The following RABGEF1 variants were observed in gnomAD, a reference collection of about 807,000 sequenced individuals.
The protein encoded by RABGEF1 is RAB guanine nucleotide exchange factor 1, also known as rab5 GDP/GTP exchange factor.
In RABGEF1, 26 loss-of-function variants were observed where a neutral mutation model predicts 57.3. The ratio of observed to expected loss-of-function variants is 0.45; its 90% CI spans 0.33 to 0.63. The LOEUF (loss-of-function observed/expected upper bound fraction) is 0.63. RABGEF1 is among the 20% of genes least tolerant of loss of function. RABGEF1 has a pLI of 0.02. For synonymous variants in RABGEF1, 185 were observed against 210.7 expected (o/e 0.88, Z 1.06); for missense variants, 464 against 607.6 (o/e 0.76, Z 2.48).
At chr7:66,799,296 T>G (rs1786748639) in intron 6 of RABGEF1, 27 bp from the exon 7 acceptor site, 1 of 1,545,088 alleles carries the variant, frequency 6.5e-7, no homozygotes, top group Non-Finnish European at 8.9e-7. Context: ...TCCTTGGAGC[T>G]CTTGTTTACT....
intron 1 of RABGEF1, among the ~76,000 whole-genome samples, chr7:66,742,366 G>T (rs1799187787): frequency 6.6e-6 from 1 of 152,186 alleles, no homozygotes; most frequent in Non-Finnish European, 1.5e-5. Context: ...AAGTTAGCCA[G>T]TTGAGGAGAA....
At chr7:66,680,424 A>T (rs556985520), upstream of RABGEF1, among the ~76,000 whole-genome samples, 2 of 151,966 alleles carry the variant, frequency 1.3e-5, no homozygotes, top group South Asian at 4.1e-4. Flanking sequence ...TTGTATTTTT[A>T]GTAGAGACAG....
At chr7:66,720,178 T>TC (rs35631461) in intron 2 of RABGEF1, among the ~76,000 whole-genome samples, 5,307 of 117,638 alleles carry the variant, frequency 0.045, 154 homozygotes, top group East Asian at 0.11. Context: ...TCATTATTAT[T>TC]ATTATTATTA....
the RABGEF1 span, among the ~76,000 whole-genome samples, chr7:66,662,956 G>A: frequency 1.3e-5 from 2 of 152,244 alleles, no homozygotes; most frequent in Admixed American, 6.5e-5. Flanking sequence ...GTGCAGGCAT[G>A]TGTGTGCAGG....
chr7:66,798,325 C>T (rs900276745), intron 6 of RABGEF1, among the ~76,000 whole-genome samples: 1 of 152,154 alleles, frequency 6.6e-6, no homozygotes, highest in African/African-American at 2.4e-5. Context: ...AGTGTGGGAA[C>T]AGGGCCAAGG....
chr7:66,711,833 G>A (rs1223023135), intron 1 of RABGEF1, among the ~76,000 whole-genome samples: 6 of 151,992 alleles, frequency 3.9e-5, no homozygotes, highest in East Asian at 1.9e-4. Context: ...TGATCTGCCC[G>A]CCTCGGCCTC....
intron 1 of RABGEF1, among the ~76,000 whole-genome samples, chr7:66,749,922 C>T (rs1427694783): frequency 3.9e-5 from 6 of 152,068 alleles, no homozygotes; most frequent in South Asian, 2.1e-4. Flanking sequence ...TGCAGTGAGC[C>T]GAGATCGCAC....
intron 4 of RABGEF1, among the ~76,000 whole-genome samples, chr7:66,788,314 G>T (rs1049490542): frequency 2.6e-5 from 4 of 151,848 alleles, no homozygotes; most frequent in Non-Finnish European, 5.9e-5. Flanking sequence ...GCATGGTGGC[G>T]CTCGCCTGTA....
intron 7 of RABGEF1, among the ~76,000 whole-genome samples, chr7:66,801,163 C>CT: frequency 6.6e-6 from 1 of 152,334 alleles, no homozygotes; most frequent in South Asian, 2.1e-4. Flanking sequence ...ATCAGCTCCT[C>CT]TTAGCTCCAA....
chr7:66,704,544 C>G (rs899616672), intron 1 of RABGEF1, among the ~76,000 whole-genome samples: 1 of 152,044 alleles, frequency 6.6e-6, no homozygotes, highest in African/African-American at 2.4e-5. Context: ...GGTGCGGTGG[C>G]TCACACCTGT....
At chr7:66,782,167 G>A (rs1367166082) in intron 3 of RABGEF1, among the ~76,000 whole-genome samples, 1 of 152,170 alleles carries the variant, frequency 6.6e-6, no homozygotes, top group African/African-American at 2.4e-5. Flanking sequence ...AAATATTTTA[G>A]AAAAGATGTT....
rs759241672 is a variant in RABGEF1 at position 66,809,022 on chromosome 7, T to C, written c.1214T>C (p.Leu405Ser). ...GAGAGTTGGTCTCCTGATGCTTGCTTAGGCGTCAAGCAAATGTATAAGAAC... is the reference window on the plus strand; with the variant it reads ...GAGAGTTGGTCTCCTGATGCTTGCTCAGGCGTCAAGCAAATGTATAAGAAC... ...EAESWSPDACLGVKQMYKNLD... is the reference protein window; with the variant it reads ...EAESWSPDACSGVKQMYKNLD... Residue 405 changes from leucine to serine, a missense_variant, in exon 9 of 9, where the codon TTA (leucine) becomes TCA (serine). This residue lies in a region of RABGEF1 where 151 missense variants were observed against 152.2 expected (regional missense o/e 0.99). Coordinates refer to ENST00000284957, the MANE Select transcript of RABGEF1 (RefSeq NM_014504.3). 6 of 1,614,134 alleles carry C rather than the reference T, an allele frequency of 3.7e-6. No homozygotes were observed. The highest frequency in any genetic ancestry group is 5.1e-6 in the Non-Finnish European group (6 of 1,180,026).
chr7:66,769,289 C>G (rs1228958081), intron 1 of RABGEF1, among the ~76,000 whole-genome samples: 1 of 152,218 alleles, frequency 6.6e-6, no homozygotes, highest in Non-Finnish European at 1.5e-5. Context: ...TGGATGAAAT[C>G]TGTGAGGCCT....
At chr7:66,743,596 G>A (rs1332950080) in intron 1 of RABGEF1, among the ~76,000 whole-genome samples, 4 of 152,014 alleles carry the variant, frequency 2.6e-5, no homozygotes, top group East Asian at 3.9e-4. Flanking sequence ...CCCCCTCCTG[G>A]GTTCACGCCA....
At chr7:66,730,107 T>C (rs1233193936) in intron 2 of RABGEF1, among the ~76,000 whole-genome samples, 3 of 152,210 alleles carry the variant, frequency 2.0e-5, no homozygotes, top group African/African-American at 7.2e-5. Flanking sequence ...AGGCCTCCCT[T>C]TCTCATCTCT....
chr7:66,705,947 C>G (rs575428205), intron 1 of RABGEF1, among the ~76,000 whole-genome samples: 3 of 121,806 alleles, frequency 2.5e-5, no homozygotes, highest in Non-Finnish European at 4.8e-5. Flanking sequence ...CCAGGCCGGA[C>G]TGCGGGCTGC....
At chr7:66,778,724 G>T (rs1809147858) in intron 3 of RABGEF1, among the ~76,000 whole-genome samples, 1 of 152,130 alleles carries the variant, frequency 6.6e-6, no homozygotes. Context: ...GGAAAAAAGG[G>T]CCCCTTCAAT....
chr7:66,757,113 C>T (rs1267516971), intron 1 of RABGEF1, among the ~76,000 whole-genome samples: 1 of 152,152 alleles, frequency 6.6e-6, no homozygotes, highest in Non-Finnish European at 1.5e-5. Flanking sequence ...TAAACTTACA[C>T]ATTTTGGAAT....
In RABGEF1 at chr7:66,808,979, C is replaced by T. The variant is rs775413472; in HGVS notation, c.1171C>T (p.Pro391Ser). The T allele has an allele frequency of 2.2e-5, 35 of 1,614,000 alleles. No homozygotes were observed. Among genetic ancestry groups the T allele is most frequent in the Admixed American group, 1.0e-4 (6 of 59,992 alleles). The change falls in exon 9 of 9, where the codon CCC becomes TCC. Residue 391 changes from proline to serine, a missense_variant. By Grantham distance (74) the Pro-to-Ser change is moderately conservative. This residue lies in a region of RABGEF1 where 151 missense variants were observed against 152.2 expected (regional missense o/e 0.99). Transcript: ENST00000284957. ...TCGCTACATGTCTGGCCAGACCTCT[C>T]CCAGGAAGCAAGAAGCTGAGAGTTG... ...FDRYMSGQTS[P>S]RKQEAESWSP... is the part of the protein sequence containing the mutation.
Sources: allele counts gnomAD v4.1 joint callset (sites outside exome capture counted in the v4.1 genomes callset), GRCh38; gene constraint gnomAD v4.1.1; regional missense constraint gnomAD v4.1.1; transcripts MANE v1.5; gene names NCBI Gene and HGNC (gene_info 2026-07-23, HGNC 2026-07-21).